Variants in ADGRB3 observed in about 807,000 individuals in gnomAD.
ADGRB3 encodes the protein adhesion G protein-coupled receptor B3.
ADGRB3 carries 37 observed loss-of-function variants against 193.4 expected under a neutral mutation model. The observed-to-expected ratio is 0.19, with a 90% CI of 0.15 to 0.25. The LOEUF (loss-of-function observed/expected upper bound fraction) is 0.25, where lower values mean the gene tolerates loss of function less well. Ranked by LOEUF, ADGRB3 falls within the 10% of genes least tolerant of loss-of-function variation. The pLI, the probability that ADGRB3 is intolerant of heterozygous loss-of-function variation, is 1.00. For synonymous variants in ADGRB3, 690 were observed against 644.2 expected (o/e 1.07, Z -1.08); for missense variants, 1,637 against 1,852.9 (o/e 0.88, Z 2.14).
chr6:69,053,757 A>G (rs1178951737), intron 15 of ADGRB3, among the ~76,000 whole-genome samples: 3 of 152,232 alleles, frequency 2.0e-5, no homozygotes, highest in African/African-American at 4.8e-5. Context: ...ACTTACTTTT[A>G]TAGCATTTTT....
chr6:68,863,928 A>T (rs1582264772), intron 3 of ADGRB3, among the ~76,000 whole-genome samples: 1 of 152,212 alleles, frequency 6.6e-6, no homozygotes, highest in East Asian at 1.9e-4. Flanking sequence ...ATACTAAATT[A>T]TTGCATTTAT....
intron 10 of ADGRB3, among the ~76,000 whole-genome samples, chr6:68,993,411 C>T (rs1256380680): frequency 2.0e-5 from 3 of 152,130 alleles, no homozygotes; most frequent in Non-Finnish European, 4.4e-5. Context: ...CATCTCTGAT[C>T]ACACCTTACT....
At chr6:69,120,793 G>A (rs1773658297) in intron 17 of ADGRB3, among the ~76,000 whole-genome samples, 2 of 151,956 alleles carry the variant, frequency 1.3e-5, no homozygotes, top group Admixed American at 1.3e-4. Context: ...AGTTTTCCTC[G>A]AGCTTTAAAA....
chr6:69,297,852 A>C (rs1767863510), intron 20 of ADGRB3, among the ~76,000 whole-genome samples: 1 of 152,054 alleles, frequency 6.6e-6, no homozygotes, highest in Non-Finnish European at 1.5e-5. Flanking sequence ...TACATAGCTC[A>C]TTTCTGCCAT....
At chr6:68,845,289 A>C (rs2224011) in intron 3 of ADGRB3, among the ~76,000 whole-genome samples, 32,623 of 152,022 alleles carry the variant, frequency 0.21, 4,042 homozygotes, top group East Asian at 0.58. Flanking sequence ...CAGAAGATAA[A>C]ACCATTTGAT....
intron 3 of ADGRB3, among the ~76,000 whole-genome samples, chr6:68,913,496 G>A (rs2150238552): frequency 6.6e-6 from 1 of 152,234 alleles, no homozygotes; most frequent in African/African-American, 2.4e-5. Context: ...TCTGTTAGAA[G>A]GAAAACTAAC....
chr6:68,635,990 C>G lies in ADGRB3; in HGVS notation c.-198C>G, dbSNP rs972071049. Reference sequence around the variant, plus strand: ...TAGAGCAAGAGCCTCCCTGAGCTTTCGGAGTGGAAGGTAAGGAAGGGGGTC... The same window carrying G: ...TAGAGCAAGAGCCTCCCTGAGCTTTGGGAGTGGAAGGTAAGGAAGGGGGTC... On this transcript the variant is annotated 5_prime_UTR_variant, in exon 1 of 32. Transcript: ENST00000370598. The G allele has an allele frequency of 6.6e-6, 1 of 152,516 alleles. No individual in the cohort carries two copies. Among genetic ancestry groups the G allele is most frequent in the Non-Finnish European group, 1.5e-5 (1 of 68,224 alleles). The allele number at this position is 152,516 out of a possible 1,614,324, so 9.4% of individuals were successfully genotyped here.
At chr6:68,653,242 A>G (rs1768412207) in intron 3 of ADGRB3, among the ~76,000 whole-genome samples, 2 of 152,140 alleles carry the variant, frequency 1.3e-5, no homozygotes, top group South Asian at 4.1e-4. Flanking sequence ...GATGACTGTG[A>G]GGCATGAGCA....
At chr6:68,702,231 G>A (rs902308415) in intron 3 of ADGRB3, among the ~76,000 whole-genome samples, 5 of 128,112 alleles carry the variant, frequency 3.9e-5, no homozygotes, top group African/African-American at 1.4e-4. Flanking sequence ...AGAGAGAGAG[G>A]AGAGGGAGGG....
chr6:69,036,784 G>A (rs1770884693), intron 13 of ADGRB3, among the ~76,000 whole-genome samples: 2 of 152,172 alleles, frequency 1.3e-5, no homozygotes, highest in Admixed American at 1.3e-4. Context: ...AGACAGCCAT[G>A]CATAATGTGA....
At chr6:69,224,266 T>C (rs559963620) in intron 17 of ADGRB3, among the ~76,000 whole-genome samples, 2 of 152,242 alleles carry the variant, frequency 1.3e-5, no homozygotes, top group Admixed American at 1.3e-4. Flanking sequence ...TGTTATAAAT[T>C]TTACAATGGT....
intron 3 of ADGRB3, among the ~76,000 whole-genome samples, chr6:68,868,187 T>G (rs1765357020): frequency 6.6e-6 from 1 of 152,152 alleles, no homozygotes; most frequent in Non-Finnish European, 1.5e-5. Flanking sequence ...AGGAAGTGAC[T>G]GGATCATGGG....
At chr6:68,931,087 T>C (rs1439806304) in intron 4 of ADGRB3, among the ~76,000 whole-genome samples, 2 of 152,030 alleles carry the variant, frequency 1.3e-5, no homozygotes, top group African/African-American at 4.8e-5. Context: ...ATGATCCTAC[T>C]TGTATTAATT....
At chr6:69,201,775 G>A (rs1765421725) in intron 17 of ADGRB3, among the ~76,000 whole-genome samples, 3 of 151,890 alleles carry the variant, frequency 2.0e-5, no homozygotes, top group Admixed American at 2.0e-4. Flanking sequence ...TTTTCATTAT[G>A]ACCCTATTTC....
chr6:69,152,285 T>C (rs1774702439), intron 17 of ADGRB3, among the ~76,000 whole-genome samples: 1 of 152,216 alleles, frequency 6.6e-6, no homozygotes. Flanking sequence ...TGGAAGTCAT[T>C]GCTTCTGTAG....
At chr6:68,759,492 A>G (rs1272177300) in intron 3 of ADGRB3, among the ~76,000 whole-genome samples, 1 of 152,018 alleles carries the variant, frequency 6.6e-6, no homozygotes, top group South Asian at 2.1e-4. Flanking sequence ...TTCACTATTA[A>G]TTCCTATCTT....
chr6:69,044,855 T>A (rs1771194025), intron 13 of ADGRB3, among the ~76,000 whole-genome samples: 1 of 139,886 alleles, frequency 7.1e-6, no homozygotes, highest in African/African-American at 2.6e-5. Context: ...TTATTTTAAG[T>A]ACTTTAATAT....
At chr6:69,221,811 A>T (rs1338924539) in intron 17 of ADGRB3, among the ~76,000 whole-genome samples, 1 of 152,140 alleles carries the variant, frequency 6.6e-6, no homozygotes, top group Non-Finnish European at 1.5e-5. Flanking sequence ...TTTAGAAGAT[A>T]GGAAGATTAC....
chr6:68,973,274 TG>T (rs1768641799), intron 8 of ADGRB3, among the ~76,000 whole-genome samples: 1 of 152,186 alleles, frequency 6.6e-6, no homozygotes, highest in Admixed American at 6.5e-5. Context: ...TTTTGGGCCT[TG>T]GTGCCTTCAT....
Sources: allele counts gnomAD v4.1 joint callset (sites outside exome capture counted in the v4.1 genomes callset), GRCh38; gene constraint gnomAD v4.1.1; transcripts MANE v1.5; gene names NCBI Gene and HGNC (gene_info 2026-07-23, HGNC 2026-07-21).